NLRC3: variants seen among roughly 807,000 people sequenced by gnomAD.
NLRC3 encodes NLR family CARD domain containing 3.
NLRC3 carries 87 observed loss-of-function variants against 91.6 expected under a neutral mutation model. The ratio of observed to expected loss-of-function variants is 0.95; its 90% CI spans 0.80 to 1.14. The LOEUF is 1.14. Among genes scored for constraint, NLRC3 ranks in the 50% most tolerant of loss-of-function variants. The pLI, the probability that NLRC3 is intolerant of heterozygous loss-of-function variation, is 0.00. For missense variants in NLRC3, 1,577 were observed against 1,418.6 expected, an observed-to-expected ratio of 1.11 and a Z score of -1.79; for synonymous variants, 694 against 625.3, an observed-to-expected ratio of 1.11 and a Z score of -1.64.
intron 3 of NLRC3, 106 bp downstream of exon 3, chr16:3,565,213 C>T (rs2039825378): frequency 1.1e-5 from 8 of 697,684 alleles, no homozygotes; most frequent in Admixed American, 2.1e-5. Flanking sequence ...TGAGAATGGA[C>T]TGGAAGGGCC....
At position 3,555,344 on chromosome 16, in the gene NLRC3, G is replaced by A. The variant is rs145368312; in HGVS notation, c.2184-1019C>T. On this transcript the variant is annotated intron_variant, in intron 8 of 19. Transcript: ENST00000359128. ...ATGAGGAAAGCCGCACACCAAAGGC[G>A]AGCCTATATAAATCTATTTACATGA... Among the ~76,000 whole-genome samples, 955 of 152,170 alleles carry A rather than the reference G, an allele frequency of 6.3e-3. 3 individuals carry two copies. The highest frequency in any genetic ancestry group is 0.024 in the Middle Eastern group (7 of 294).
chr16:3,562,858 C>A (rs1240720926), intron 5 of NLRC3, 151 bp downstream of exon 5: 10 of 771,276 alleles, frequency 1.3e-5, no homozygotes, highest in Non-Finnish European at 2.2e-5. Flanking sequence ...TGCGAGAAAA[C>A]ACACTTTAGT....
At chr16:3,555,402 G>T (rs991017922) in intron 8 of NLRC3, among the ~76,000 whole-genome samples, 1 of 152,144 alleles carries the variant, frequency 6.6e-6, no homozygotes, top group Non-Finnish European at 1.5e-5. Context: ...TTAGAGATGG[G>T]AAGCAGATTG....
chr16:3,561,613 G>A (rs1486271101), intron 6 of NLRC3, 89 bp downstream of exon 6: 6 of 891,988 alleles, frequency 6.7e-6, no homozygotes, highest in Middle Eastern at 2.3e-4. Flanking sequence ...TGGCAGCGCC[G>A]CTGGCCAGCT....
chr16:3,573,656 G>T (rs2040179382), intron 1 of NLRC3, among the ~76,000 whole-genome samples: 1 of 152,164 alleles, frequency 6.6e-6, no homozygotes, highest in South Asian at 2.1e-4. Flanking sequence ...GTGGCCAGGA[G>T]GATGAGAGGA....
At chr16:3,542,868 G>T in intron 17 of NLRC3, 93 bp from the exon 18 acceptor site, 1 of 792,680 alleles carries the variant, frequency 1.3e-6, no homozygotes, top group Non-Finnish European at 2.1e-6. Flanking sequence ...CTTGGTAGAG[G>T]AAACAAGGAC....
At chr16:3,548,609 G>T in intron 14 of NLRC3, 61 bp downstream of exon 14, 1 of 1,273,384 alleles carries the variant, frequency 7.9e-7, no homozygotes, top group South Asian at 1.3e-5. Flanking sequence ...TCGTTGGTTT[G>T]GGTGGAGCCC....
At chr16:3,542,888 C>T (rs1567456546) in intron 17 of NLRC3, 113 bp from the exon 18 acceptor site, 1 of 681,148 alleles carries the variant, frequency 1.5e-6, no homozygotes, top group South Asian at 1.7e-5. Flanking sequence ...CTTCAGCAGT[C>T]ACAGGAGGCC....
chr16:3,577,155 G>A lies in NLRC3; in HGVS notation c.-175C>T, dbSNP rs1207261204. 4 of 703,002 alleles carry A rather than the reference G, an allele frequency of 5.7e-6. No individual in the cohort carries two copies. The highest frequency in any genetic ancestry group is 4.4e-5 in the South Asian group (3 of 67,604). The allele number at this position is 703,002 out of a possible 1,614,324, so 43.5% of individuals were successfully genotyped here. On this transcript the variant is annotated 5_prime_UTR_variant, in exon 1 of 20. Transcript: ENST00000359128. ...TCACCTGGACCCAACTTACCTCCCG[G>A]GCCTCGATGCTGCTCCAGGGACAGC...
In NLRC3 at chr16:3,564,079, G is replaced by C. The variant is rs116433328; in HGVS notation, c.858C>G (p.Ile286Met). ...TGATCTCCTCCTCGTTAAAGCCCCG[G>C]ATCTCCGTCATCCGGTCCACCAGGC... The part of the protein sequence containing the change: ...PGGLVDRMTE[I>M]RGFNEEEIKV... Residue 286 changes from isoleucine to methionine, a missense_variant, in exon 5 of 20, where the codon ATC becomes ATG. Ile to Met is a conservative substitution (Grantham distance 10). Transcript: ENST00000359128. This position sits in a 1 kb window ranked among gnomAD's most constrained non-coding sequence, Gnocchi z 5.9. The C allele has an allele frequency of 1.6e-3, 2,615 of 1,613,424 alleles. 37 individuals carry two copies. In the African/African-American group the frequency reaches 0.031, roughly 19 times the overall value.
At position 3,563,802 on chromosome 16, in the gene NLRC3, TCTC is replaced by T; in HGVS notation, c.1132_1134del (p.Glu378del). The T allele has an allele frequency of 1.9e-6, 3 of 1,611,220 alleles. No homozygotes were observed. The highest frequency in any genetic ancestry group is 1.7e-6 in the Non-Finnish European group (2 of 1,178,380). On this transcript the variant is annotated inframe_deletion, in exon 5 of 20. Transcript: ENST00000359128. ...TCGATGCGAGGGCTTGCCTTGCCCTTCTCCTGCCCCTCCCCGCTGAGGGCCATC... is the reference window on the plus strand; with the variant it reads ...TCGATGCGAGGGCTTGCCTTGCCCTTCTGCCCCTCCCCGCTGAGGGCCATC...
Position 3,556,929 on chromosome 16 carries a change from C to T in NLRC3, c.2165G>A (p.Arg722His), listed in dbSNP as rs755710065. 2.9e-5 allele frequency: 46 copies of T among 1,612,800 alleles called. No homozygotes were observed. The East Asian group carries it at 7.1e-4, about 25-fold the overall frequency. ...KALADALKIN[R>H]TLTSLSLQGN... is the part of the protein sequence containing the mutation. ...CACACACCTCAGGGAGGTCAGGGTG[C>T]GGTTGATCTTCAAAGCGTCTGCCAG... The change falls in exon 8 of 20, where the codon CGC (arginine) becomes CAC (histidine). Residue 722 changes from arginine to histidine, a missense_variant. Transcript: ENST00000359128.
At chr16:3,566,290 T>C (rs757012338) in intron 2 of NLRC3, among the ~76,000 whole-genome samples, 7 of 151,908 alleles carry the variant, frequency 4.6e-5, no homozygotes, top group Non-Finnish European at 1.0e-4. Flanking sequence ...TACTTTCCCA[T>C]CAATTTTTCT....
intron 2 of NLRC3, among the ~76,000 whole-genome samples, chr16:3,566,155 C>T (rs76004896): frequency 3.5e-4 from 44 of 124,938 alleles, no homozygotes; most frequent in African/African-American, 1.2e-3. Context: ...ACACTATGGA[C>T]ATTGGGTGAT....
At position 3,549,243 on chromosome 16, in the gene NLRC3, A is replaced by T; in HGVS notation, c.2520-18T>A. 1 of 1,548,186 alleles carries T rather than the reference A, an allele frequency of 6.5e-7. No individual in the cohort carries two copies. The highest frequency in any genetic ancestry group is 8.8e-7 in the Non-Finnish European group (1 of 1,139,800). ...CTCGAAGGCTGAAAAAAAAGGAAAG[A>T]CCTGAGCTTCTGACCGGGCAGATGA... On this transcript the variant is annotated intron_variant, in intron 12 of 19. Transcript: ENST00000359128.
At chr16:3,546,016 C>T (rs1418792285) in intron 15 of NLRC3, among the ~76,000 whole-genome samples, 2 of 152,042 alleles carry the variant, frequency 1.3e-5, no homozygotes, top group Admixed American at 1.3e-4. Context: ...GTGCCGATGG[C>T]CTGGGCAGGG....
Position 3,556,897 on chromosome 16 carries a change from C to T in NLRC3, c.2183+14G>A, listed in dbSNP as rs78483760. The T allele has an allele frequency of 8.1e-4, 1,282 of 1,589,920 alleles. 13 individuals carry two copies. In the African/African-American group the frequency reaches 0.015, roughly 18 times the overall value. On this transcript the variant is annotated intron_variant, in intron 8 of 19. Coordinates refer to ENST00000359128, the MANE Select transcript of NLRC3 (RefSeq NM_178844.4). Reference sequence around the variant, plus strand: ...TCTCTTGGGGTCACAACACAGGGAGCAGGTGACACACACCTCAGGGAGGTC... The same window carrying T: ...TCTCTTGGGGTCACAACACAGGGAGTAGGTGACACACACCTCAGGGAGGTC...
chr16:3,571,644 A>T (rs2040101674), intron 1 of NLRC3, among the ~76,000 whole-genome samples: 1 of 151,764 alleles, frequency 6.6e-6, no homozygotes, highest in Non-Finnish European at 1.5e-5. Flanking sequence ...GTTTGATATT[A>T]AATAATTAAA....
At chr16:3,574,992 G>A (rs1003096279) in intron 1 of NLRC3, among the ~76,000 whole-genome samples, 2 of 152,120 alleles carry the variant, frequency 1.3e-5, no homozygotes, top group African/African-American at 4.8e-5. Context: ...GATATCCACA[G>A]ATAATTAAAT....
Sources: allele counts gnomAD v4.1 joint callset (sites outside exome capture counted in the v4.1 genomes callset), GRCh38; gene constraint gnomAD v4.1.1; non-coding constraint Gnocchi (gnomAD v3.1); transcripts MANE v1.5; gene names NCBI Gene and HGNC (gene_info 2026-07-23, HGNC 2026-07-21).